SLC10A7: variants seen among roughly 807,000 people sequenced by gnomAD.
The protein encoded by SLC10A7 is sodium/bile acid cotransporter 7.
Under a neutral mutation model 43.2 loss-of-function variants are expected in SLC10A7, and 29 were observed. The ratio of observed to expected loss-of-function variants is 0.67; its 90% confidence interval spans 0.50 to 0.92. The LOEUF (loss-of-function observed/expected upper bound fraction) is 0.92, where lower values mean the gene tolerates loss of function less well. SLC10A7 is among the 40% of genes least tolerant of loss of function. The probability of loss-of-function intolerance (pLI) is 0.00; values close to 1 mark genes in which losing one functional copy is unlikely to be tolerated. For missense variants in SLC10A7, 295 were observed against 403.2 expected (o/e 0.73, Z 2.30); for synonymous variants, 152 against 144.8 (o/e 1.05, Z -0.35).
intron 3 of SLC10A7, among the ~76,000 whole-genome samples, chr4:146,506,710 G>T (rs1736935416): frequency 6.6e-6 from 1 of 151,780 alleles, no homozygotes; most frequent in South Asian, 2.1e-4. Flanking sequence ...TTTAGCTTCT[G>T]TGTTTTAAAC....
At chr4:146,421,401 A>G (rs1021122821) in intron 5 of SLC10A7, among the ~76,000 whole-genome samples, 3 of 152,218 alleles carry the variant, frequency 2.0e-5, no homozygotes. Context: ...CTGGGCTCAG[A>G]ACATTCTACA....
chr4:146,293,624 A>G (rs1312082206), intron 8 of SLC10A7, among the ~76,000 whole-genome samples: 2 of 152,176 alleles, frequency 1.3e-5, no homozygotes, highest in Non-Finnish European at 2.9e-5. Context: ...AATAAACTAA[A>G]TTGGTGACAC....
chr4:146,473,947 T>G (rs1344844533), intron 4 of SLC10A7, among the ~76,000 whole-genome samples: 1 of 152,144 alleles, frequency 6.6e-6, no homozygotes, highest in Non-Finnish European at 1.5e-5. Flanking sequence ...CTGGCACAGT[T>G]ATCTCTGTTA....
intron 9 of SLC10A7, among the ~76,000 whole-genome samples, chr4:146,284,257 C>A (rs931128173): frequency 6.6e-6 from 1 of 152,150 alleles, no homozygotes; most frequent in South Asian, 2.1e-4. Flanking sequence ...TAGAAACTGA[C>A]TCCATCTATA....
intron 9 of SLC10A7, among the ~76,000 whole-genome samples, chr4:146,287,225 T>C (rs1730091445): frequency 1.3e-5 from 2 of 151,920 alleles, no homozygotes; most frequent in African/African-American, 4.8e-5. Flanking sequence ...AGAAGGACCG[T>C]CTTTGGAGTG....
chr4:146,299,808 A>T (rs146549104), intron 7 of SLC10A7, among the ~76,000 whole-genome samples: 435 of 152,302 alleles, frequency 2.9e-3, no homozygotes, highest in Non-Finnish European at 4.0e-3. Context: ...TAAATTCAAC[A>T]CAAGATGAGA....
At chr4:146,454,161 C>G (rs958808954) in intron 4 of SLC10A7, among the ~76,000 whole-genome samples, 3 of 151,828 alleles carry the variant, frequency 2.0e-5, no homozygotes, top group Non-Finnish European at 4.4e-5. Flanking sequence ...AAATTTGTTA[C>G]TTTAAGGGTT....
chr4:146,452,673 C>T (rs979708079), intron 4 of SLC10A7, among the ~76,000 whole-genome samples: 2 of 151,986 alleles, frequency 1.3e-5, no homozygotes, highest in East Asian at 3.9e-4. Flanking sequence ...ATTTCTATGT[C>T]ATATTTAAGT....
intron 10 of SLC10A7, among the ~76,000 whole-genome samples, chr4:146,261,739 C>G (rs1728236795): frequency 6.6e-6 from 1 of 152,078 alleles, no homozygotes; most frequent in South Asian, 2.1e-4. Flanking sequence ...CTATCTCTAC[C>G]CCCACAAGTG....
At chr4:146,375,931 G>T (rs1737166336) in intron 5 of SLC10A7, among the ~76,000 whole-genome samples, 1 of 152,144 alleles carries the variant, frequency 6.6e-6, no homozygotes, top group South Asian at 2.1e-4. Context: ...GACCTATACT[G>T]ATGACAGACC....
At chr4:146,350,693 G>GCAGA (rs1263196415) in intron 5 of SLC10A7, among the ~76,000 whole-genome samples, 21 of 86,530 alleles carry the variant, frequency 2.4e-4, no homozygotes, top group Non-Finnish European at 3.8e-4. Context: ...CTGAGAACTG[G>GCAGA]CAGACTGCCT....
chr4:146,298,941 G>C (rs1351430663), intron 7 of SLC10A7, among the ~76,000 whole-genome samples: 1 of 152,160 alleles, frequency 6.6e-6, no homozygotes, highest in Non-Finnish European at 1.5e-5. Context: ...TCAAATCAGA[G>C]TCAGTCAATA....
chr4:146,292,135 T>C lies in SLC10A7; in HGVS notation c.773+794A>G, dbSNP rs145576853. Among the ~76,000 whole-genome samples, 647 of 152,228 alleles carry C rather than the reference T, an allele frequency of 4.3e-3. 2 individuals carry two copies. The highest frequency in any genetic ancestry group is 0.014 in the African/African-American group (593 of 41,534). On this transcript the variant is annotated intron_variant, in intron 9 of 11. Coordinates refer to ENST00000335472, the MANE Select transcript of SLC10A7 (RefSeq NM_001029998.6). ...AAAGCTTAGACAGCATGAATACTAG[T>C]AGTGGTTCATGAGACTGGAAAATAG...
intron 5 of SLC10A7, among the ~76,000 whole-genome samples, chr4:146,410,121 A>G (rs1728079287): frequency 1.3e-5 from 2 of 152,176 alleles, no homozygotes; most frequent in African/African-American, 4.8e-5. Context: ...GTAAGGTAGT[A>G]TTATTTTTCT....
At chr4:146,492,869 A>C (rs543800351) in intron 4 of SLC10A7, among the ~76,000 whole-genome samples, 1 of 152,176 alleles carries the variant, frequency 6.6e-6, no homozygotes, top group East Asian at 1.9e-4. Context: ...AAATATTTTC[A>C]TCTAAAACAA....
Position 146,306,097 on chromosome 4 carries a change from T to G in SLC10A7, c.472-88A>C, listed in dbSNP as rs1578841352. On this transcript the variant is annotated intron_variant, in intron 6 of 11. Coordinates refer to ENST00000335472, the MANE Select transcript of SLC10A7 (RefSeq NM_001029998.6). ...TAAATAATGCAATAAATAGATTTTC[T>G]CAGGCGCACCAAAAATTTGGTAGCT... The G allele has an allele frequency of 2.8e-6, 3 of 1,058,150 alleles. No individual in the cohort carries two copies. In the East Asian group the frequency reaches 9.2e-5, roughly 32 times the overall value. 65.5% of individuals were successfully genotyped at this position (1,058,150 alleles called of 1,614,324 possible). A position where few individuals can be genotyped will look rare whatever the true frequency, so the allele number is the denominator to read the frequency against.
chr4:146,467,045 C>T (rs1045624144), intron 4 of SLC10A7, among the ~76,000 whole-genome samples: 35 of 152,248 alleles, frequency 2.3e-4, no homozygotes, highest in African/African-American at 8.2e-4. Flanking sequence ...TCCTGGGGCT[C>T]TCAGGACTTT....
chr4:146,377,694 CA>C lies in SLC10A7; in HGVS notation c.436-51699del, dbSNP rs529124904. Among the ~76,000 whole-genome samples, 26 of 152,284 alleles carry C rather than the reference CA, an allele frequency of 1.7e-4. No individual in the cohort carries two copies. The South Asian group carries it at 4.3e-3, about 25-fold the overall frequency. ...GGTTTTAGGAGCTCTGTCCCAGGAA[CA>C]AAGAGGGTGTGCAGAGGACAACTAC... On this transcript the variant is annotated intron_variant, in intron 5 of 11. Transcript: ENST00000335472.
intron 9 of SLC10A7, among the ~76,000 whole-genome samples, chr4:146,291,135 A>G (rs1036999424): frequency 6.6e-6 from 1 of 152,154 alleles, no homozygotes; most frequent in African/African-American, 2.4e-5. Flanking sequence ...ACCTCATCCA[A>G]TAGGAGGAGT....
Sources: gnomAD v4.1 joint callset for allele counts (sites outside exome capture counted in the v4.1 genomes callset) on GRCh38, gnomAD v4.1.1 for gene constraint, MANE v1.5 for transcripts, NCBI Gene and HGNC (gene_info 2026-07-23, HGNC 2026-07-21) for gene names.